Variants in DDRGK1 observed in about 807,000 individuals in gnomAD.
DDRGK1 encodes the protein DDRGK domain containing 1, also known as DDRGK domain-containing protein 1.
Under a neutral mutation model 45.8 loss-of-function variants are expected in DDRGK1, and 38 were observed. The ratio of observed to expected loss-of-function variants is 0.83; its 90% CI spans 0.64 to 1.09. The LOEUF is 1.09. Ranked by LOEUF, DDRGK1 falls within the 50% of genes least tolerant of loss-of-function variation. The pLI, the probability that DDRGK1 is intolerant of heterozygous loss-of-function variation, is 0.00. For synonymous variants in DDRGK1, 171 were observed against 168.7 expected (o/e 1.01, Z -0.11); for missense variants, 403 against 419.9 (o/e 0.96, Z 0.35).
At chr20:3,191,453 A>G (rs2066988983) in intron 7 of DDRGK1, 1 of 658,500 alleles carries the variant, frequency 1.5e-6, no homozygotes, top group African/African-American at 1.8e-5. Flanking sequence ...TCCTGTTAGA[A>G]GCGGGGCAGT....
rs972827225 is a variant in DDRGK1 at position 3,196,470 on chromosome 20, G to C, written c.511-1117C>G. Among the ~76,000 whole-genome samples the C allele has an allele frequency of 5.3e-5, 8 of 151,474 alleles. No homozygotes were observed. The East Asian group carries it at 7.8e-4, about 15-fold the overall frequency. ...AGGCGGGCGGATCACGAGGTCAGGA[G>C]ATCGAGACCATCCTGGCTAACACGG... On this transcript the variant is annotated intron_variant, in intron 4 of 8. Transcript: ENST00000354488.
intron 4 of DDRGK1, among the ~76,000 whole-genome samples, chr20:3,197,224 GAAAAA>G (rs34672443): frequency 1.6e-4 from 12 of 74,564 alleles, no homozygotes; most frequent in Admixed American, 8.1e-4. Context: ...CTCCATCTCA[GAAAAA>G]AAAAAAAAAA....
rs147853986 is a variant in DDRGK1, at chr20:3,203,334, C to T, written c.174G>A (p.Pro58=). Residue 58 remains proline (P), a synonymous_variant, in exon 2 of 9, where the codon CCG becomes CCA. Coordinates refer to ENST00000354488, the MANE Select transcript of DDRGK1 (RefSeq NM_023935.3). Reference sequence around the variant, plus strand: ...GGCGCCGAGGCCTGCCTCCAGCTCTCGGCTCCTCAGGCTCCAGGGGCCCAG... The same window carrying T: ...GGCGCCGAGGCCTGCCTCCAGCTCTTGGCTCCTCAGGCTCCAGGGGCCCAG... ...AQPGPLEPEE[P]RAGGRPRRRR... 185 of 1,609,072 alleles carry T rather than the reference C, an allele frequency of 1.1e-4. No individual in the cohort carries two copies. Among genetic ancestry groups the T allele is most frequent in the Non-Finnish European group, 1.5e-4 (180 of 1,177,580 alleles).
At chr20:3,200,871 G>A (rs1467661166) in intron 2 of DDRGK1, among the ~76,000 whole-genome samples, 1 of 152,192 alleles carries the variant, frequency 6.6e-6, no homozygotes, top group Non-Finnish European at 1.5e-5. Context: ...AGAACTTTGG[G>A]AGGCAAAGGT....
intron 5 of DDRGK1, 23 bp from the exon 6 acceptor site, chr20:3,194,891 G>A (rs2067003350): frequency 6.2e-7 from 1 of 1,613,460 alleles, no homozygotes; most frequent in South Asian, 1.1e-5. Flanking sequence ...AGAAATCAGG[G>A]TGAGCACCCC....
At chr20:3,196,667 C>T (rs577576145) in intron 4 of DDRGK1, among the ~76,000 whole-genome samples, 3 of 151,840 alleles carry the variant, frequency 2.0e-5, no homozygotes, top group Admixed American at 6.6e-5. Context: ...GGGGACAGAG[C>T]GAGACTCCAT....
intron 2 of DDRGK1, among the ~76,000 whole-genome samples, chr20:3,201,579 C>T (rs2067039842): frequency 6.6e-6 from 1 of 151,506 alleles, no homozygotes; most frequent in African/African-American, 2.4e-5. Flanking sequence ...ACAGATAGCG[C>T]TGCCTGGATA....
At chr20:3,196,659 G>A (rs544088702) in intron 4 of DDRGK1, among the ~76,000 whole-genome samples, 2 of 151,988 alleles carry the variant, frequency 1.3e-5, no homozygotes, top group East Asian at 3.9e-4. Flanking sequence ...CCAGCCTGGG[G>A]GACAGAGCGA....
chr20:3,195,358 G>A lies in DDRGK1; in HGVS notation c.511-5C>T. 6.3e-7 allele frequency: 1 copy of A among 1,587,866 alleles called. No individual in the cohort carries two copies. On this transcript the variant is annotated splice_polypyrimidine_tract_variant and splice_region_variant and intron_variant, in intron 4 of 8. Transcript: ENST00000354488. ...GGCCTTCCTCTCCTCCTCCTCCTGT[G>A]GACATAGGAGGCAAAAGTCAGGTAT...
Position 3,191,770 on chromosome 20 carries a change from T to G in DDRGK1, c.724A>C (p.Thr242Pro). Reference sequence around the variant, plus strand: ...GGCCACGTTCCAGGGCTTACCTGAGTGCGTAGGCCCACCTGGGAAGCCAGG... The same window carrying G: ...GGCCACGTTCCAGGGCTTACCTGAGGGCGTAGGCCCACCTGGGAAGCCAGG... ...EDLASQVGLR[T>P]QDTINRIQDL... Residue 242 changes from threonine to proline, a missense_variant, in exon 7 of 9, where the codon ACT (threonine) becomes CCT (proline). Coordinates refer to ENST00000354488, the MANE Select transcript of DDRGK1 (RefSeq NM_023935.3). The G allele has an allele frequency of 6.2e-7, 1 of 1,605,046 alleles. No homozygotes were observed. The highest frequency in any genetic ancestry group is 1.1e-5 in the South Asian group (1 of 89,028).
In DDRGK1 at chr20:3,191,750, C is replaced by A. The variant is rs775430446; in HGVS notation, c.729+15G>T. 2.5e-6 allele frequency: 4 copies of A among 1,597,250 alleles called. No homozygotes were observed. The Admixed American group carries it at 6.9e-5, about 28-fold the overall frequency. On this transcript the variant is annotated intron_variant, in intron 7 of 8. Coordinates refer to ENST00000354488, the MANE Select transcript of DDRGK1 (RefSeq NM_023935.3). ...TGGCCACACTGCACACAGCAGGCCA[C>A]GTTCCAGGGCTTACCTGAGTGCGTA...
At chr20:3,190,870 C>G (rs1287840857) in intron 8 of DDRGK1, 51 bp from the exon 9 acceptor site, 1 of 1,559,394 alleles carries the variant, frequency 6.4e-7, no homozygotes, top group African/African-American at 1.3e-5. Context: ...CGTTCCCCAT[C>G]TGGCCTGAGA....
At chr20:3,198,529 C>T (rs1316636303) in intron 4 of DDRGK1, among the ~76,000 whole-genome samples, 36 of 150,084 alleles carry the variant, frequency 2.4e-4, no homozygotes, top group African/African-American at 8.6e-4. Flanking sequence ...AGAGAAACCC[C>T]GTCTCTACTA....
intron 2 of DDRGK1, among the ~76,000 whole-genome samples, chr20:3,202,515 C>T (rs2067044536): frequency 6.6e-6 from 1 of 152,208 alleles, no homozygotes. Context: ...AGTCCCAACA[C>T]TATGACTACC....
chr20:3,194,961 C>G (rs2122231892), intron 5 of DDRGK1, 93 bp from the exon 6 acceptor site: 1 of 1,519,566 alleles, frequency 6.6e-7, no homozygotes, highest in Non-Finnish European at 9.0e-7. Context: ...CACTTGAGGG[C>G]CACCTGCCTG....
intron 6 of DDRGK1, among the ~76,000 whole-genome samples, chr20:3,193,038 C>T (rs2066995892): frequency 2.0e-5 from 3 of 152,180 alleles, no homozygotes; most frequent in Admixed American, 2.0e-4. Flanking sequence ...ATGACCTGGC[C>T]TGAGGTGCTG....
chr20:3,192,328 T>G (rs2066993138), intron 6 of DDRGK1, among the ~76,000 whole-genome samples: 1 of 152,172 alleles, frequency 6.6e-6, no homozygotes, highest in Non-Finnish European at 1.5e-5. Flanking sequence ...GAGGGACACA[T>G]GCTGAACAAG....
At chr20:3,199,904 G>A (rs2122238386) in intron 4 of DDRGK1, 97 bp downstream of exon 4, 1 of 1,151,872 alleles carries the variant, frequency 8.7e-7, no homozygotes, top group East Asian at 2.7e-5. Context: ...CAGGTCTATG[G>A]CCCACCTTCT....
chr20:3,196,491 C>T (rs933699375), intron 4 of DDRGK1, among the ~76,000 whole-genome samples: 7 of 147,864 alleles, frequency 4.7e-5, no homozygotes, highest in East Asian at 2.0e-4. Flanking sequence ...TCCTGGCTAA[C>T]ACGGTGAAAC....
Sources: gnomAD v4.1 joint callset for allele counts (sites outside exome capture counted in the v4.1 genomes callset) on GRCh38, gnomAD v4.1.1 for gene constraint, MANE v1.5 for transcripts, NCBI Gene and HGNC (gene_info 2026-07-23, HGNC 2026-07-21) for gene names.